Variants in NUP93 observed in about 807,000 individuals in gnomAD.
The protein encoded by NUP93 is nuclear pore complex protein Nup93.
Under a neutral mutation model 107.8 loss-of-function variants are expected in NUP93, and 55 were observed. The observed-to-expected ratio is 0.51, with a 90% CI of 0.41 to 0.64. The LOEUF (loss-of-function observed/expected upper bound fraction) is 0.64. Ranked by LOEUF, NUP93 falls within the 30% of genes least tolerant of loss-of-function variation. The pLI is 0.00. For missense variants in NUP93, 937 were observed against 1,044.7 expected, an observed-to-expected ratio of 0.90 and a Z score of 1.42; for synonymous variants, 390 against 397.5, an observed-to-expected ratio of 0.98 and a Z score of 0.22.
intron 5 of NUP93, among the ~76,000 whole-genome samples, chr16:56,808,877 C>T (rs948626640): frequency 6.7e-6 from 1 of 149,080 alleles, no homozygotes; most frequent in Non-Finnish European, 1.5e-5. Flanking sequence ...TTGTATCATT[C>T]AGATATTAAA....
chr16:56,799,836 A>G (rs113616709), intron 4 of NUP93, among the ~76,000 whole-genome samples: 21 of 152,350 alleles, frequency 1.4e-4, no homozygotes, highest in African/African-American at 4.1e-4. Context: ...GCTCCATTTT[A>G]TAAGGAAATG....
chr16:56,752,216 G>A (rs1188690323), intron 2 of NUP93, among the ~76,000 whole-genome samples: 1 of 152,156 alleles, frequency 6.6e-6, no homozygotes, highest in Non-Finnish European at 1.5e-5. Context: ...AATTGACCCA[G>A]CAATTCCACT....
intron 3 of NUP93, among the ~76,000 whole-genome samples, chr16:56,798,090 T>A (rs1278903528): frequency 6.6e-6 from 1 of 152,222 alleles, no homozygotes; most frequent in East Asian, 1.9e-4. Context: ...AAGAAATTAA[T>A]TTAAACCAAC....
chr16:56,803,452 A>AT (rs1361486478), intron 4 of NUP93, among the ~76,000 whole-genome samples: 49 of 152,112 alleles, frequency 3.2e-4, no homozygotes, highest in African/African-American at 1.2e-3. Flanking sequence ...GCAACAGAAA[A>AT]AAATAATAAT....
At chr16:56,798,281 C>G (rs1402251670) in intron 3 of NUP93, among the ~76,000 whole-genome samples, 195 bp from the exon 4 acceptor site, 1 of 152,174 alleles carries the variant, frequency 6.6e-6, no homozygotes, top group African/African-American at 2.4e-5. Flanking sequence ...TTCTAACAAT[C>G]ATCATGTGCT....
At chr16:56,834,927 G>T in intron 16 of NUP93, 149 bp downstream of exon 16, 1 of 613,428 alleles carries the variant, frequency 1.6e-6, no homozygotes, top group Non-Finnish European at 2.8e-6. Flanking sequence ...GAAAATTATG[G>T]GCCCAAATGA....
intron 3 of NUP93, among the ~76,000 whole-genome samples, chr16:56,785,936 T>C (rs28596768): frequency 2.6e-5 from 4 of 152,218 alleles, no homozygotes; most frequent in African/African-American, 4.8e-5. Flanking sequence ...GCTTTCTTTT[T>C]CTTTTTTAGT....
At chr16:56,816,646 G>C (rs188382566) in intron 5 of NUP93, among the ~76,000 whole-genome samples, 1 of 152,214 alleles carries the variant, frequency 6.6e-6, no homozygotes, top group Non-Finnish European at 1.5e-5. Context: ...AAGTATACTA[G>C]CAGGCTTGTG....
At chr16:56,755,592 T>TA (rs1416980543) in intron 2 of NUP93, among the ~76,000 whole-genome samples, 2 of 152,154 alleles carry the variant, frequency 1.3e-5, no homozygotes, top group Admixed American at 6.5e-5. Flanking sequence ...CACTGAATTG[T>TA]AGGCCAGGCA....
At position 56,736,859 on chromosome 16, in the gene NUP93, T is replaced by C. The variant is rs556960418; in HGVS notation, c.-15+6648T>C. The stretch of plus-strand genomic sequence containing the variant: ...AAAATTAACAAGTTATTAAAAATTA[T>C]GTAAGATCACATATACTCATGGAAA... On this transcript the variant is annotated intron_variant, in intron 1 of 21. Transcript: ENST00000308159. Among the ~76,000 whole-genome samples, 9 of 152,340 alleles carry C rather than the reference T, an allele frequency of 5.9e-5. No homozygotes were observed. The South Asian group carries it at 1.9e-3, about 32-fold the overall frequency.
chr16:56,756,379 T>C (rs550953638), intron 2 of NUP93, among the ~76,000 whole-genome samples: 26 of 142,146 alleles, frequency 1.8e-4, no homozygotes, highest in African/African-American at 6.7e-4. Context: ...CACTTATGAG[T>C]GAGAACATGC....
intron 3 of NUP93, among the ~76,000 whole-genome samples, chr16:56,787,443 G>GT: frequency 1.3e-5 from 2 of 152,152 alleles, no homozygotes; most frequent in South Asian, 4.1e-4. Context: ...AGTAGAACTC[G>GT]AGGCTTAATC....
At chr16:56,843,531 G>A (rs1459806973) in intron 21 of NUP93, among the ~76,000 whole-genome samples, 1 of 152,144 alleles carries the variant, frequency 6.6e-6, no homozygotes, top group Non-Finnish European at 1.5e-5. Flanking sequence ...GCCCACTGAC[G>A]TCCTTGGTTT....
intron 5 of NUP93, among the ~76,000 whole-genome samples, chr16:56,811,089 T>C (rs1046023253): frequency 3.3e-5 from 5 of 152,212 alleles, no homozygotes; most frequent in Admixed American, 6.5e-5. Flanking sequence ...TTGTGTGTTT[T>C]GGTGAGCACA....
intron 3 of NUP93, among the ~76,000 whole-genome samples, chr16:56,788,202 C>T (rs1962672347): frequency 6.6e-6 from 1 of 152,182 alleles, no homozygotes; most frequent in African/African-American, 2.4e-5. Context: ...GTCCTGCTTC[C>T]CCTACCCTCC....
chr16:56,783,052 C>A (rs188747170), intron 3 of NUP93, among the ~76,000 whole-genome samples: 1 of 152,280 alleles, frequency 6.6e-6, no homozygotes, highest in African/African-American at 2.4e-5. Context: ...GCCTGCAATA[C>A]TTTTAATACC....
intron 3 of NUP93, among the ~76,000 whole-genome samples, chr16:56,796,237 G>A (rs1244810560): frequency 2.6e-5 from 4 of 152,110 alleles, no homozygotes; most frequent in Non-Finnish European, 5.9e-5. Flanking sequence ...ATACAACAGT[G>A]GTCCCATAAG....
At chr16:56,759,931 T>C (rs1425987039) in intron 3 of NUP93, among the ~76,000 whole-genome samples, 1 of 152,194 alleles carries the variant, frequency 6.6e-6, no homozygotes, top group African/African-American at 2.4e-5. Context: ...GGAGTAGGTA[T>C]TTGGAATACT....
chr16:56,779,792 G>A (rs927171575), intron 3 of NUP93, among the ~76,000 whole-genome samples: 5 of 152,150 alleles, frequency 3.3e-5, no homozygotes, highest in African/African-American at 7.2e-5. Context: ...GAGGAAAAAC[G>A]TCTTAACAGT....
Sources: gnomAD v4.1 joint callset for allele counts (sites outside exome capture counted in the v4.1 genomes callset) on GRCh38, gnomAD v4.1.1 for gene constraint, MANE v1.5 for transcripts, NCBI Gene and HGNC (gene_info 2026-07-23, HGNC 2026-07-21) for gene names.